The following SNX29 variants were observed in gnomAD, a reference collection of about 807,000 sequenced individuals.
SNX29 encodes sorting nexin 29.
Under a neutral mutation model 102.1 loss-of-function variants are expected in SNX29, and 78 were observed. That is an observed-to-expected ratio of 0.76 (90% CI 0.64 to 0.92). SNX29 has a LOEUF of 0.92. Among genes scored for constraint, SNX29 ranks in the 40% least tolerant of loss-of-function variants. The probability of loss-of-function intolerance (pLI) is 0.00; values close to 1 mark genes in which losing one functional copy is unlikely to be tolerated. For missense variants in SNX29, 1,280 were observed against 1,061.7 expected (o/e 1.21, Z -2.86); for synonymous variants, 580 against 414.5 (o/e 1.40, Z -4.85).
chr16:12,436,205 C>T (rs985722066), intron 18 of SNX29, among the ~76,000 whole-genome samples: 1 of 151,918 alleles, frequency 6.6e-6, no homozygotes, highest in African/African-American at 2.4e-5. Flanking sequence ...GCCCCCGGAA[C>T]AGTATTGGCA....
At chr16:12,144,809 C>T (rs1338423952) in intron 13 of SNX29, among the ~76,000 whole-genome samples, 1 of 152,206 alleles carries the variant, frequency 6.6e-6, no homozygotes, top group East Asian at 1.9e-4. Context: ...GGAAGCTCCT[C>T]CTCCCGGATT....
chr16:12,418,342 A>T (rs76441689), intron 18 of SNX29, among the ~76,000 whole-genome samples: 6 of 151,994 alleles, frequency 3.9e-5, no homozygotes, highest in Admixed American at 6.6e-5. Flanking sequence ...CAGATGTAGG[A>T]TGTTCATGTT....
At chr16:12,547,320 CAG>C (rs1013613586) in intron 20 of SNX29, among the ~76,000 whole-genome samples, 6 of 152,210 alleles carry the variant, frequency 3.9e-5, no homozygotes, top group South Asian at 2.1e-4. Flanking sequence ...AGCCCAGGAA[CAG>C]AGAGGCCTTG....
intron 17 of SNX29, among the ~76,000 whole-genome samples, chr16:12,400,947 C>T (rs569233207): frequency 2.9e-4 from 44 of 152,252 alleles, no homozygotes; most frequent in Non-Finnish European, 5.3e-4. Context: ...TTCAGCCTCC[C>T]GAGTAGCTGG....
intron 14 of SNX29, among the ~76,000 whole-genome samples, chr16:12,243,645 A>T (rs187270388): frequency 1.3e-5 from 2 of 152,216 alleles, no homozygotes; most frequent in African/African-American, 2.4e-5. Context: ...ATTTTGGGGC[A>T]TGTAATTGGG....
chr16:12,356,630 G>A (rs188992318), intron 16 of SNX29, among the ~76,000 whole-genome samples: 10 of 152,240 alleles, frequency 6.6e-5, no homozygotes, highest in Non-Finnish European at 1.0e-4. Context: ...TACCTACATG[G>A]TATTACTGTT....
At chr16:12,101,179 C>A (rs149321908) in intron 11 of SNX29, among the ~76,000 whole-genome samples, 2 of 152,062 alleles carry the variant, frequency 1.3e-5, no homozygotes, top group African/African-American at 2.4e-5. Context: ...GTTGTGCGTG[C>A]GCATCCTGAG....
intron 15 of SNX29, among the ~76,000 whole-genome samples, chr16:12,317,297 C>G (rs767763398): frequency 2.0e-5 from 3 of 152,214 alleles, no homozygotes; most frequent in African/African-American, 7.2e-5. Context: ...GCCCCAGATG[C>G]GCAGGACTCA....
chr16:12,117,119 A>G (rs112445669), intron 11 of SNX29, among the ~76,000 whole-genome samples: 147 of 100,126 alleles, frequency 1.5e-3, no homozygotes, highest in Non-Finnish European at 1.7e-3. Context: ...CGGACGAACC[A>G]TGGAAACAGG....
intron 20 of SNX29, among the ~76,000 whole-genome samples, chr16:12,540,678 C>A (rs554477689): frequency 2.0e-5 from 3 of 152,320 alleles, no homozygotes; most frequent in Admixed American, 2.0e-4. Flanking sequence ...AGCTGCTGGT[C>A]CCTCTTGTTG....
At chr16:12,177,616 T>C (rs1336622220) in intron 13 of SNX29, among the ~76,000 whole-genome samples, 1 of 152,256 alleles carries the variant, frequency 6.6e-6, no homozygotes, top group African/African-American at 2.4e-5. Flanking sequence ...AATTTTTTAA[T>C]AGCTGTATTA....
At chr16:12,431,691 G>A (rs568037933) in intron 18 of SNX29, among the ~76,000 whole-genome samples, 15 of 152,262 alleles carry the variant, frequency 9.9e-5, no homozygotes, top group African/African-American at 3.6e-4. Flanking sequence ...AAATGATCAT[G>A]AAGAAAACTT....
chr16:12,151,237 A>G (rs920318058), intron 13 of SNX29, among the ~76,000 whole-genome samples: 3 of 152,178 alleles, frequency 2.0e-5, no homozygotes, highest in Non-Finnish European at 4.4e-5. Context: ...TAGATGTTAC[A>G]TCAGCTATAA....
At chr16:12,054,682 G>A (rs994182533) in intron 8 of SNX29, among the ~76,000 whole-genome samples, 12 of 152,182 alleles carry the variant, frequency 7.9e-5, no homozygotes, top group South Asian at 2.1e-4. Context: ...TGTGGACTGC[G>A]GATCATGGGA....
In SNX29 at chr16:12,554,229, A is replaced by C. The variant is rs115851557; in HGVS notation, c.2319-14277A>C. ...TGAGCATATATAGAGCAAAACGTGA[A>C]CATCTCCCTCGGCTGCATCGTCTCT... is the stretch of plus-strand genomic sequence containing the variant. On this transcript the variant is annotated intron_variant, in intron 20 of 20. Transcript: ENST00000566228. 3.1e-3 allele frequency among the ~76,000 whole-genome samples: 474 copies of C among 152,382 alleles called. 4 individuals are homozygous for C. The highest frequency in any genetic ancestry group is 0.011 in the African/African-American group (458 of 41,586).
chr16:12,250,423 G>T (rs1402627474), intron 14 of SNX29, among the ~76,000 whole-genome samples: 1 of 152,172 alleles, frequency 6.6e-6, no homozygotes, highest in Non-Finnish European at 1.5e-5. Context: ...ATGTTGCAAT[G>T]GCCTGTCAGG....
chr16:12,084,465 C>A (rs975173884), intron 11 of SNX29, among the ~76,000 whole-genome samples: 1 of 152,164 alleles, frequency 6.6e-6, no homozygotes, highest in East Asian at 1.9e-4. Context: ...ACTAAAACAC[C>A]CATAATTCTG....
chr16:12,499,616 C>T (rs1331756527), intron 19 of SNX29, among the ~76,000 whole-genome samples: 1 of 152,216 alleles, frequency 6.6e-6, no homozygotes, highest in Non-Finnish European at 1.5e-5. Context: ...GATCAGACCA[C>T]ACCCCAGACC....
At chr16:11,988,588 C>T (rs556297288) in intron 1 of SNX29, among the ~76,000 whole-genome samples, 35 of 152,164 alleles carry the variant, frequency 2.3e-4, no homozygotes, top group Non-Finnish European at 2.2e-4. Context: ...TTTGTAGGGA[C>T]GGGGTGTCAC....
Sources: gnomAD v4.1 joint callset for allele counts (sites outside exome capture counted in the v4.1 genomes callset) on GRCh38, gnomAD v4.1.1 for gene constraint, MANE v1.5 for transcripts, NCBI Gene and HGNC (gene_info 2026-07-23, HGNC 2026-07-21) for gene names.